The following NEK11 variants were observed in gnomAD, a reference collection of about 807,000 sequenced individuals.
NEK11 encodes serine/threonine-protein kinase Nek11.
In NEK11, 72 loss-of-function variants were observed where a neutral mutation model predicts 80.7. That is an observed-to-expected ratio of 0.89 (90% CI 0.74 to 1.08). NEK11 has a LOEUF of 1.08. Among genes scored for constraint, NEK11 ranks in the 50% least tolerant of loss-of-function variants. The pLI, the probability that NEK11 is intolerant of heterozygous loss-of-function variation, is 0.00. For missense variants in NEK11, 764 were observed against 763.6 expected, an observed-to-expected ratio of 1.00 and a Z score of -0.01; for synonymous variants, 251 against 260.7, an observed-to-expected ratio of 0.96 and a Z score of 0.36.
rs1166405831 is a variant in NEK11 at position 131,203,747 on chromosome 3, A to ATGTG, written c.1400-24763_1400-24760dup. ...GTATATTATATATGTGTATATATAT[A>ATGTG]TGTGTGTGTGTGTGTGTGTGTATAT... On this transcript the variant is annotated intron_variant, in intron 14 of 17. Coordinates refer to ENST00000383366, the MANE Select transcript of NEK11 (RefSeq NM_024800.5). 5.5e-3 allele frequency among the ~76,000 whole-genome samples: 352 copies of ATGTG among 64,214 alleles called. 5 individuals carry two copies. Among genetic ancestry groups the ATGTG allele is most frequent in the East Asian group, 7.6e-3 (16 of 2,112 alleles). 42.1% of individuals were successfully genotyped at this position (64,214 alleles called of 152,430 possible). A position where few individuals can be genotyped will look rare whatever the true frequency, so the allele number is the denominator to read the frequency against.
chr3:131,259,710 C>A (rs1333401136), intron 16 of NEK11, among the ~76,000 whole-genome samples: 1 of 152,102 alleles, frequency 6.6e-6, no homozygotes, highest in Non-Finnish European at 1.5e-5. Context: ...AGGTTCTCTA[C>A]CTCTACCATG....
At chr3:131,098,531 C>G (rs1381178988) in intron 4 of NEK11, among the ~76,000 whole-genome samples, 1 of 150,312 alleles carries the variant, frequency 6.7e-6, no homozygotes, top group African/African-American at 2.4e-5. Flanking sequence ...TTCTTGGCCA[C>G]TTGTATATCT....
intron 15 of NEK11, among the ~76,000 whole-genome samples, chr3:131,239,822 A>G (rs1270710747): frequency 6.6e-6 from 1 of 152,044 alleles, no homozygotes; most frequent in Non-Finnish European, 1.5e-5. Flanking sequence ...GCTTTCATTC[A>G]TTCATTCATT....
intron 17 of NEK11, among the ~76,000 whole-genome samples, chr3:131,338,125 C>A (rs1349580651): frequency 6.6e-6 from 1 of 152,036 alleles, no homozygotes; most frequent in Non-Finnish European, 1.5e-5. Flanking sequence ...CGCCGCCATG[C>A]CCGGCTTATT....
chr3:131,333,618 T>A (rs2097132366), intron 17 of NEK11, among the ~76,000 whole-genome samples: 1 of 152,062 alleles, frequency 6.6e-6, no homozygotes, highest in Non-Finnish European at 1.5e-5. Flanking sequence ...CACATAACAA[T>A]ATTAACTTTA....
At chr3:131,074,203 C>T (rs1282038858) in intron 3 of NEK11, among the ~76,000 whole-genome samples, 2 of 152,048 alleles carry the variant, frequency 1.3e-5, no homozygotes, top group African/African-American at 4.8e-5. Context: ...CTAGGGGACC[C>T]AAATGAAGAG....
At chr3:131,304,399 G>T (rs140363776) in intron 17 of NEK11, among the ~76,000 whole-genome samples, 1 of 152,014 alleles carries the variant, frequency 6.6e-6, no homozygotes, top group Non-Finnish European at 1.5e-5. Flanking sequence ...TGAATTCTAC[G>T]TCTGTCATTT....
intron 4 of NEK11, among the ~76,000 whole-genome samples, chr3:131,107,034 G>T (rs2079290290): frequency 6.6e-6 from 1 of 152,064 alleles, no homozygotes; most frequent in African/African-American, 2.4e-5. Context: ...TTTTAAAGAG[G>T]AAATCTTTGA....
chr3:131,206,184 G>A (rs559246012), intron 14 of NEK11, among the ~76,000 whole-genome samples: 1 of 152,246 alleles, frequency 6.6e-6, no homozygotes, highest in African/African-American at 2.4e-5. Context: ...CACCCAAATA[G>A]TCAGGCTCTC....
chr3:131,266,469 T>C (rs1227881636), intron 16 of NEK11, among the ~76,000 whole-genome samples: 1 of 152,188 alleles, frequency 6.6e-6, no homozygotes, highest in Non-Finnish European at 1.5e-5. Flanking sequence ...ATTTACCCAG[T>C]AGTCATTCAG....
intron 17 of NEK11, among the ~76,000 whole-genome samples, chr3:131,335,496 C>T (rs2097166345): frequency 6.6e-6 from 1 of 152,176 alleles, no homozygotes; most frequent in African/African-American, 2.4e-5. Context: ...CTATGACAAA[C>T]TCACAGCCAA....
In NEK11 at chr3:131,080,023, A is replaced by G. The variant is rs145805612; in HGVS notation, c.171-400A>G. The stretch of plus-strand genomic sequence containing the variant: ...AGACAGAGTGATGGATTACATATAT[A>G]TATGTGTGTGTGTGTTTGTGTGTGT... On this transcript the variant is annotated intron_variant, in intron 3 of 17. Coordinates refer to ENST00000383366, the MANE Select transcript of NEK11 (RefSeq NM_024800.5). Among the ~76,000 whole-genome samples the G allele has an allele frequency of 2.2e-3, 255 of 115,906 alleles. 5 individuals carry two copies. The East Asian group carries it at 0.047, about 21-fold the overall frequency. 76.0% of individuals were successfully genotyped at this position (115,906 alleles called of 152,430 possible).
chr3:131,275,809 C>A (rs1273796703), intron 17 of NEK11, among the ~76,000 whole-genome samples: 2 of 152,006 alleles, frequency 1.3e-5, no homozygotes, highest in Non-Finnish European at 2.9e-5. Context: ...TATTGGGATG[C>A]CAAGAAGAAT....
intron 17 of NEK11, among the ~76,000 whole-genome samples, chr3:131,278,749 C>G (rs185733146): frequency 1.3e-5 from 2 of 151,956 alleles, no homozygotes; most frequent in Admixed American, 6.6e-5. Flanking sequence ...ACATGAAGGG[C>G]CTGCTCTATC....
intron 14 of NEK11, among the ~76,000 whole-genome samples, chr3:131,187,907 A>G (rs2093657805): frequency 6.6e-6 from 1 of 152,232 alleles, no homozygotes; most frequent in Non-Finnish European, 1.5e-5. Context: ...GATCATGTTA[A>G]TGAGTCAGAA....
intron 3 of NEK11, among the ~76,000 whole-genome samples, chr3:131,067,628 G>A (rs983901095): frequency 6.6e-6 from 1 of 152,052 alleles, no homozygotes; most frequent in Non-Finnish European, 1.5e-5. Context: ...ATAATTTCTG[G>A]CCAGCATATT....
chr3:131,208,572 G>A (rs1434358174), intron 14 of NEK11, among the ~76,000 whole-genome samples: 7 of 152,116 alleles, frequency 4.6e-5, no homozygotes, highest in Admixed American at 1.3e-4. Flanking sequence ...ACATTTTCAC[G>A]ATATTGATTC....
At chr3:131,168,780 G>A in intron 12 of NEK11, 50 bp from the exon 13 acceptor site, 3 of 1,401,170 alleles carry the variant, frequency 2.1e-6, no homozygotes, top group Non-Finnish European at 2.0e-6. Context: ...TCTAGATGAA[G>A]AAAGACTTGG....
rs543289396 is a variant in NEK11 at position 131,055,943 on chromosome 3, T to A, written c.171-24480T>A. ...AGCTCTTGTTTTTCCAGTAGCAGGA[T>A]ACAGTATTCTTACTTATGTTTATGT... On this transcript the variant is annotated intron_variant, in intron 3 of 17. Transcript: ENST00000383366. Among the ~76,000 whole-genome samples, 4 of 152,336 alleles carry A rather than the reference T, an allele frequency of 2.6e-5. No individual in the cohort carries two copies. The East Asian group carries it at 7.7e-4, about 29-fold the overall frequency.
Sources: allele counts gnomAD v4.1 joint callset (sites outside exome capture counted in the v4.1 genomes callset), GRCh38; gene constraint gnomAD v4.1.1; transcripts MANE v1.5; gene names NCBI Gene and HGNC (gene_info 2026-07-23, HGNC 2026-07-21).